TNS4: variants seen among roughly 807,000 people sequenced by gnomAD.
TNS4 encodes the protein tensin 4, also known as tensin-4.
A neutral mutation model predicts 70.4 loss-of-function variants in TNS4; 46 were observed. That is an observed-to-expected ratio of 0.65 (90% CI 0.52 to 0.84). TNS4 has a LOEUF of 0.84. TNS4 is among the 40% of genes least tolerant of loss of function. The pLI is 0.00. For synonymous variants in TNS4, 390 were observed against 366.6 expected, an observed-to-expected ratio of 1.06 and a Z score of -0.73; for missense variants, 863 against 907.0, an observed-to-expected ratio of 0.95 and a Z score of 0.62.
In TNS4 at chr17:40,487,032, G is replaced by C. The variant is rs552363525; in HGVS notation, c.1288+4C>G. 1 of 1,612,472 alleles carries C rather than the reference G, an allele frequency of 6.2e-7. No individual in the cohort carries two copies. Among genetic ancestry groups the C allele is most frequent in the African/African-American group, 1.3e-5 (1 of 74,990 alleles). ...ATTGCTTCAAATATTGGTTTACGACGTACCCTCTGGGCATGTGGTAAAGGG... is the reference window on the plus strand; with the variant it reads ...ATTGCTTCAAATATTGGTTTACGACCTACCCTCTGGGCATGTGGTAAAGGG... On this transcript the variant is annotated splice_donor_region_variant and intron_variant, in intron 4 of 12. Transcript: ENST00000254051.
rs2036001767 is a variant in TNS4, at chr17:40,487,246, T to A, written c.1078A>T (p.Ser360Cys). ...GAGTTGGTGATGGATGGGGGGCAGC[T>A]GCTGGCATGTTCTTTGGCCAGTGGT... Reference protein sequence around the residue: ...SPPLAKEHASSCPPSITNSMV... With the variant: ...SPPLAKEHASCCPPSITNSMV... Residue 360 changes from serine to cysteine, a missense_variant, in exon 4 of 13, where the codon AGC becomes TGC. Coordinates refer to ENST00000254051, the MANE Select transcript of TNS4 (RefSeq NM_032865.6). 6.2e-7 allele frequency: 1 copy of A among 1,614,058 alleles called. No individual in the cohort carries two copies. The highest frequency in any genetic ancestry group is 1.1e-5 in the South Asian group (1 of 91,082).
intron 4 of TNS4, among the ~76,000 whole-genome samples, chr17:40,485,724 C>T (rs917443224): frequency 2.0e-5 from 3 of 152,302 alleles, no homozygotes; most frequent in East Asian, 1.9e-4. Flanking sequence ...AGTAAATGTG[C>T]GCTTTGGGAT....
Position 40,500,577 on chromosome 17 carries a change from T to G in TNS4, c.-96+957A>C, listed in dbSNP as rs576210916. The stretch of plus-strand genomic sequence containing the variant: ...ATTCTGACTCAGATCTCTTTCTTTG[T>G]TCCCAAGGACTCTGGGGAGTCCTGG... On this transcript the variant is annotated intron_variant, in intron 1 of 12. Transcript: ENST00000254051. 8.5e-5 allele frequency among the ~76,000 whole-genome samples: 13 copies of G among 152,250 alleles called. No homozygotes were observed. In the South Asian group the frequency reaches 2.7e-3, roughly 32 times the overall value.
At chr17:40,480,207 A>C (rs2035903672) in intron 9 of TNS4, among the ~76,000 whole-genome samples, 1 of 152,192 alleles carries the variant, frequency 6.6e-6, no homozygotes, top group East Asian at 1.9e-4. Context: ...GTAGGGACAG[A>C]AGACAAGAAT....
Position 40,480,158 on chromosome 17 carries a change from C to G in TNS4, c.1742-316G>C, listed in dbSNP as rs942396685. The stretch of plus-strand genomic sequence containing the variant: ...CCACACTTAACGGCTGCTCTCCTCC[C>G]CACACCTCCATCTTCAAGGTCTTGG... On this transcript the variant is annotated intron_variant, in intron 9 of 12. Transcript: ENST00000254051. The G allele has an allele frequency of 3.6e-5, 13 of 361,310 alleles. No homozygotes were observed. In the South Asian group the frequency reaches 6.8e-4, roughly 19 times the overall value. The allele number at this position is 361,310 out of a possible 1,614,324, so 22.4% of individuals were successfully genotyped here. A position where few individuals can be genotyped will look rare whatever the true frequency, so the allele number is the denominator to read the frequency against.
chr17:40,496,679 A>G (rs1242918064), intron 1 of TNS4, among the ~76,000 whole-genome samples, 159 bp from the exon 2 acceptor site: 1 of 152,228 alleles, frequency 6.6e-6, no homozygotes, highest in African/African-American at 2.4e-5. Context: ...TACTAGCTGT[A>G]TAACCTTGGG....
chr17:40,497,764 C>T (rs572416682), intron 1 of TNS4, among the ~76,000 whole-genome samples: 4 of 152,232 alleles, frequency 2.6e-5, no homozygotes, highest in East Asian at 1.9e-4. Context: ...GGCCAGATCC[C>T]GTAGGGCCTT....
At chr17:40,498,292 C>A (rs2036170568) in intron 1 of TNS4, among the ~76,000 whole-genome samples, 4 of 152,264 alleles carry the variant, frequency 2.6e-5, no homozygotes, top group Admixed American at 2.6e-4. Flanking sequence ...TGACTCTGAC[C>A]CTGAGTTTCC....
intron 2 of TNS4, among the ~76,000 whole-genome samples, chr17:40,495,607 AG>A (rs574209329): frequency 2.0e-5 from 3 of 152,214 alleles, no homozygotes; most frequent in East Asian, 1.9e-4. Flanking sequence ...CCAAAATTTC[AG>A]GGGGGCCCAG....
chr17:40,499,386 C>A (rs1331960673), intron 1 of TNS4, among the ~76,000 whole-genome samples: 2 of 152,158 alleles, frequency 1.3e-5, no homozygotes, highest in Non-Finnish European at 2.9e-5. Context: ...TTGCTGATGC[C>A]CCCGGCCGAA....
intron 10 of TNS4, among the ~76,000 whole-genome samples, chr17:40,479,062 A>G (rs1253641732): frequency 6.6e-6 from 1 of 152,200 alleles, no homozygotes; most frequent in Non-Finnish European, 1.5e-5. Context: ...CCCAGTGGTC[A>G]GCCAGTCTGG....
chr17:40,492,009 G>A (rs1350033963), intron 2 of TNS4, among the ~76,000 whole-genome samples: 1 of 152,192 alleles, frequency 6.6e-6, no homozygotes, highest in East Asian at 1.9e-4. Flanking sequence ...TTGCTTCTAG[G>A]AACCACATTC....
chr17:40,487,486 G>C lies in TNS4; in HGVS notation c.864-26C>G, dbSNP rs374736324. The C allele has an allele frequency of 2.5e-6, 4 of 1,577,460 alleles. No homozygotes were observed. The African/African-American group carries it at 4.0e-5, about 16-fold the overall frequency. Reference sequence around the variant, plus strand: ...CTGCAGCGGGAGAGAGTCAGACAGGGTGTTAGGGCAACAGGTGGCTCAGGG... The same window carrying C: ...CTGCAGCGGGAGAGAGTCAGACAGGCTGTTAGGGCAACAGGTGGCTCAGGG... On this transcript the variant is annotated intron_variant, in intron 3 of 12. Transcript: ENST00000254051.
At chr17:40,492,063 G>C (rs2036077597) in intron 2 of TNS4, among the ~76,000 whole-genome samples, 1 of 152,172 alleles carries the variant, frequency 6.6e-6, no homozygotes. Flanking sequence ...AGGAAGGCAG[G>C]GGCAGGGAAC....
intron 10 of TNS4, among the ~76,000 whole-genome samples, chr17:40,479,235 C>T (rs888217251): frequency 1.3e-5 from 2 of 152,184 alleles, no homozygotes; most frequent in South Asian, 2.1e-4. Context: ...ACAACCTCCG[C>T]CTCCTGGGTT....
intron 2 of TNS4, among the ~76,000 whole-genome samples, chr17:40,489,528 C>T (rs939318814): frequency 5.9e-5 from 9 of 152,114 alleles, no homozygotes; most frequent in Non-Finnish European, 8.8e-5. Context: ...TTCTCTGAGG[C>T]TGGGCGCGGT....
In TNS4 at chr17:40,479,694, A is replaced by T. The variant is rs929457017; in HGVS notation, c.1890T>A (p.Thr630=). 2 of 1,613,796 alleles carry T rather than the reference A, an allele frequency of 1.2e-6. No individual in the cohort carries two copies. The highest frequency in any genetic ancestry group is 1.7e-6 in the Non-Finnish European group (2 of 1,179,940). The part of the protein sequence containing the change: ...VHFKVTEQGI[T]LTDVQRKVFF... ...CTTACTTCCTCTGGACATCAGTCAG[A>T]GTGATGCCCTGCTCTGTGACTTTGA... The change falls in exon 10 of 13, where the codon ACT becomes ACA. Residue 630 remains threonine, a synonymous_variant. Transcript: ENST00000254051.
At chr17:40,485,358 G>A (rs1279550884) in intron 4 of TNS4, among the ~76,000 whole-genome samples, 1 of 152,224 alleles carries the variant, frequency 6.6e-6, no homozygotes, top group African/African-American at 2.4e-5. Context: ...ATTCTCAAAT[G>A]CATCATGTTT....
At chr17:40,491,615 A>G (rs889491381) in intron 2 of TNS4, among the ~76,000 whole-genome samples, 2 of 152,004 alleles carry the variant, frequency 1.3e-5, no homozygotes, top group African/African-American at 4.8e-5. Flanking sequence ...TCACTGGGCC[A>G]TTGAAACATC....
Sources: gnomAD v4.1 joint callset for allele counts (sites outside exome capture counted in the v4.1 genomes callset) on GRCh38, gnomAD v4.1.1 for gene constraint, MANE v1.5 for transcripts, NCBI Gene and HGNC (gene_info 2026-07-23, HGNC 2026-07-21) for gene names.